Variants in MBD5 observed in about 807,000 individuals in gnomAD.
MBD5 encodes methyl-CpG-binding domain protein 5.
A neutral mutation model predicts 117.3 loss-of-function variants in MBD5; 13 were observed. The observed-to-expected ratio is 0.11, with a 90% CI of 0.07 to 0.18. The LOEUF (loss-of-function observed/expected upper bound fraction) is 0.18. Among genes scored for constraint, MBD5 ranks in the 10% least tolerant of loss-of-function variants. MBD5 has a pLI of 1.00. For synonymous variants in MBD5, 727 were observed against 766.4 expected, an observed-to-expected ratio of 0.95 and a Z score of 0.85; for missense variants, 1,879 against 2,093.8, an observed-to-expected ratio of 0.90 and a Z score of 2.00.
At chr2:148,289,282 T>C (rs142915189) in intron 3 of MBD5, among the ~76,000 whole-genome samples, 259 of 152,326 alleles carry the variant, frequency 1.7e-3, no homozygotes, top group African/African-American at 5.9e-3. Context: ...ATATTAACAA[T>C]TTCTCCTTTT....
chr2:148,442,981 T>G (rs1706372993), intron 4 of MBD5, among the ~76,000 whole-genome samples: 1 of 151,272 alleles, frequency 6.6e-6, no homozygotes, highest in Non-Finnish European at 1.5e-5. Context: ...GAGAAAATAT[T>G]TACAAACTAC....
At chr2:148,070,424 T>TAGA (rs770123555) in intron 1 of MBD5, among the ~76,000 whole-genome samples, 2 of 152,168 alleles carry the variant, frequency 1.3e-5, no homozygotes, top group Non-Finnish European at 2.9e-5. Flanking sequence ...ATTACAACCA[T>TAGA]TGTTAAAACA....
chr2:148,329,511 T>A (rs538644764), intron 3 of MBD5, among the ~76,000 whole-genome samples: 5 of 152,292 alleles, frequency 3.3e-5, no homozygotes, highest in Admixed American at 3.3e-4. Flanking sequence ...CAATTGTACT[T>A]CTCCAGACTG....
chr2:148,321,308 TA>T lies in MBD5; in HGVS notation c.-679-20895del, dbSNP rs34338782. ...CTAACACTAATGATAGCTGATGAAC[TA>T]AAAAAAAAAATTGCCAAAAAATCAT... On this transcript the variant is annotated intron_variant, in intron 3 of 13. Transcript: ENST00000642680. 2.0e-3 allele frequency among the ~76,000 whole-genome samples: 299 copies of T among 147,758 alleles called. 1 individual carries two copies. Among genetic ancestry groups the T allele is most frequent in the African/African-American group, 5.0e-3 (204 of 40,476 alleles).
At chr2:148,401,614 C>T (rs1704923658) in intron 4 of MBD5, among the ~76,000 whole-genome samples, 1 of 152,110 alleles carries the variant, frequency 6.6e-6, no homozygotes. Flanking sequence ...TTTTAGAGTT[C>T]AGGAAGAGTT....
At chr2:148,288,042 TAAGTACC>T (rs145298285) in intron 3 of MBD5, among the ~76,000 whole-genome samples, 16,905 of 151,998 alleles carry the variant, frequency 0.11, 1,231 homozygotes, top group South Asian at 0.18. Context: ...ATGGCATTTT[TAAGTACC>T]ATGAAAGTGT....
At chr2:148,256,400 A>G (rs1700591686) in intron 3 of MBD5, among the ~76,000 whole-genome samples, 1 of 152,224 alleles carries the variant, frequency 6.6e-6, no homozygotes. Context: ...GGCCTGACAC[A>G]TGATAAACGG....
intron 4 of MBD5, among the ~76,000 whole-genome samples, chr2:148,397,351 A>G (rs1393263763): frequency 2.5e-5 from 3 of 119,082 alleles, no homozygotes; most frequent in Admixed American, 1.0e-4. Flanking sequence ...TTTTTTTGAG[A>G]CGGAGTCTCG....
chr2:148,344,836 T>C (rs1252079756), intron 4 of MBD5, among the ~76,000 whole-genome samples: 1 of 151,936 alleles, frequency 6.6e-6, no homozygotes, highest in Non-Finnish European at 1.5e-5. Context: ...CTTCCTTTTA[T>C]TAAATATATG....
chr2:148,255,025 G>A (rs1700551813), intron 3 of MBD5, among the ~76,000 whole-genome samples: 1 of 152,224 alleles, frequency 6.6e-6, no homozygotes, highest in Non-Finnish European at 1.5e-5. Flanking sequence ...ATGTGCCAAG[G>A]CACAGCTGCT....
At chr2:148,023,100 TTGTAAC>T (rs1277675438) in intron 1 of MBD5, among the ~76,000 whole-genome samples, 1 of 151,918 alleles carries the variant, frequency 6.6e-6, no homozygotes, top group African/African-American at 2.4e-5. Context: ...TTTTTTTTTT[TTGTAAC>T]TGCATTGGTA....
At chr2:148,037,540 A>G (rs973280867) in intron 1 of MBD5, among the ~76,000 whole-genome samples, 4 of 152,022 alleles carry the variant, frequency 2.6e-5, no homozygotes, top group Non-Finnish European at 5.9e-5. Flanking sequence ...AGTTAGAGAC[A>G]TCTTAAACTA....
chr2:148,307,076 G>A (rs962549150), intron 3 of MBD5, among the ~76,000 whole-genome samples: 1 of 152,062 alleles, frequency 6.6e-6, no homozygotes, highest in Non-Finnish European at 1.5e-5. Context: ...TTAAAAGTTG[G>A]AACACTTGAT....
intron 3 of MBD5, among the ~76,000 whole-genome samples, chr2:148,331,782 C>G (rs1702663447): frequency 6.6e-6 from 1 of 151,708 alleles, no homozygotes; most frequent in South Asian, 2.1e-4. Context: ...ACAGGAATGC[C>G]TTTGACTTTC....
chr2:148,066,854 G>T (rs944266101), intron 1 of MBD5, among the ~76,000 whole-genome samples: 1 of 152,110 alleles, frequency 6.6e-6, no homozygotes, highest in African/African-American at 2.4e-5. Context: ...ACCTGCGTTT[G>T]TCTCATTCTA....
intron 4 of MBD5, among the ~76,000 whole-genome samples, chr2:148,418,257 A>G (rs1705485805): frequency 6.6e-6 from 1 of 152,046 alleles, no homozygotes; most frequent in Admixed American, 6.6e-5. Context: ...GTTTACTCTG[A>G]TGATTATTTC....
At chr2:148,392,033 TTTC>T (rs1403209586) in intron 4 of MBD5, among the ~76,000 whole-genome samples, 1 of 152,202 alleles carries the variant, frequency 6.6e-6, no homozygotes, top group Non-Finnish European at 1.5e-5. Flanking sequence ...AATTTTTGTT[TTTC>T]TTTTTTCTCA....
intron 3 of MBD5, among the ~76,000 whole-genome samples, chr2:148,266,755 T>A (rs544199984): frequency 2.0e-5 from 3 of 152,186 alleles, no homozygotes; most frequent in East Asian, 1.9e-4. Context: ...ATAACAAGGA[T>A]AAACATAACA....
chr2:148,198,749 A>G (rs1368492795), intron 2 of MBD5, among the ~76,000 whole-genome samples: 1 of 151,998 alleles, frequency 6.6e-6, no homozygotes, highest in Admixed American at 6.6e-5. Flanking sequence ...CTACCTATGA[A>G]ATTAAAATAT....
Sources: gnomAD v4.1 joint callset for allele counts (sites outside exome capture counted in the v4.1 genomes callset) on GRCh38, gnomAD v4.1.1 for gene constraint, MANE v1.5 for transcripts, NCBI Gene and HGNC (gene_info 2026-07-23, HGNC 2026-07-21) for gene names.